The following CNTN5 variants were observed in gnomAD, a reference collection of about 807,000 sequenced individuals.
CNTN5 encodes contactin 5.
In CNTN5, 77 loss-of-function variants were observed where a neutral mutation model predicts 129.1. That is an observed-to-expected ratio of 0.60 (90% CI 0.50 to 0.72). The LOEUF is 0.72. Among genes scored for constraint, CNTN5 ranks in the 30% least tolerant of loss-of-function variants. The pLI, the probability that CNTN5 is intolerant of heterozygous loss-of-function variation, is 0.00. For missense variants in CNTN5, 1,478 were observed against 1,328.8 expected (o/e 1.11, Z -1.75); for synonymous variants, 509 against 465.6 (o/e 1.09, Z -1.20).
chr11:100,008,781 C>G (rs1402151039), intron 9 of CNTN5, among the ~76,000 whole-genome samples: 1 of 152,040 alleles, frequency 6.6e-6, no homozygotes, highest in African/African-American at 2.4e-5. Flanking sequence ...TTCTTTTGAA[C>G]TCTCTTTGGC....
At chr11:99,126,682 G>A (rs1373281298) in intron 1 of CNTN5, among the ~76,000 whole-genome samples, 1 of 152,180 alleles carries the variant, frequency 6.6e-6, no homozygotes, top group Non-Finnish European at 1.5e-5. Context: ...GGATGCATAA[G>A]CAATGAAAAC....
chr11:99,128,328 G>A (rs1249452894), intron 1 of CNTN5, among the ~76,000 whole-genome samples: 1 of 152,176 alleles, frequency 6.6e-6, no homozygotes, highest in African/African-American at 2.4e-5. Context: ...TGGGATGTTT[G>A]GACTGGGTGG....
intron 15 of CNTN5, among the ~76,000 whole-genome samples, chr11:100,201,913 C>T (rs911013735): frequency 6.6e-6 from 1 of 151,968 alleles, no homozygotes; most frequent in Non-Finnish European, 1.5e-5. Context: ...ATCTCATGCT[C>T]AATGCATAGA....
At chr11:99,690,080 T>G (rs1467494999) in intron 3 of CNTN5, among the ~76,000 whole-genome samples, 4 of 152,208 alleles carry the variant, frequency 2.6e-5, no homozygotes, top group Non-Finnish European at 5.9e-5. Flanking sequence ...TCTAAGTCTT[T>G]AATTCATCTT....
intron 2 of CNTN5, among the ~76,000 whole-genome samples, chr11:99,503,116 A>G (rs1946486870): frequency 6.6e-6 from 1 of 152,144 alleles, no homozygotes; most frequent in African/African-American, 2.4e-5. Flanking sequence ...AGTTTGACAA[A>G]TATGGTTCTT....
intron 1 of CNTN5, among the ~76,000 whole-genome samples, chr11:99,096,601 A>G (rs1866476748): frequency 6.6e-6 from 1 of 151,878 alleles, no homozygotes; most frequent in South Asian, 2.1e-4. Context: ...AAATATGTTA[A>G]TATTTTAATG....
At chr11:99,607,345 G>A (rs1312379016) in intron 3 of CNTN5, among the ~76,000 whole-genome samples, 10 of 144,682 alleles carry the variant, frequency 6.9e-5, no homozygotes, top group Non-Finnish European at 9.1e-5. Context: ...AACACATGAA[G>A]AAATGCTCAC....
chr11:99,826,468 G>A (rs1479038119), intron 4 of CNTN5, among the ~76,000 whole-genome samples: 2 of 152,130 alleles, frequency 1.3e-5, no homozygotes, highest in Admixed American at 6.6e-5. Flanking sequence ...CATCCAACCT[G>A]TTGTTATAGG....
intron 7 of CNTN5, among the ~76,000 whole-genome samples, chr11:99,943,847 T>C (rs1255721499): frequency 6.6e-6 from 1 of 152,114 alleles, no homozygotes; most frequent in Non-Finnish European, 1.5e-5. Context: ...TGGTTGTAGA[T>C]GTGTGGTGTT....
At chr11:99,356,880 TA>T (rs1275006186) in intron 2 of CNTN5, among the ~76,000 whole-genome samples, 2 of 152,326 alleles carry the variant, frequency 1.3e-5, no homozygotes, top group East Asian at 3.9e-4. Context: ...CTTCTATTTT[TA>T]AAGATTATCT....
chr11:99,640,456 A>T (rs899759155), intron 3 of CNTN5, among the ~76,000 whole-genome samples: 1 of 152,192 alleles, frequency 6.6e-6, no homozygotes, highest in Non-Finnish European at 1.5e-5. Flanking sequence ...CTTATTCACT[A>T]CCATGAGAAT....
intron 7 of CNTN5, among the ~76,000 whole-genome samples, chr11:99,944,430 G>A (rs564641718): frequency 3.9e-5 from 6 of 152,182 alleles, no homozygotes; most frequent in African/African-American, 1.4e-4. Context: ...AAAGCTGGAA[G>A]CATTCTCCTT....
At chr11:100,033,922 C>T (rs1453572) in intron 9 of CNTN5, among the ~76,000 whole-genome samples, 3,299 of 152,264 alleles carry the variant, frequency 0.022, 47 homozygotes, top group African/African-American at 0.04. Context: ...CTATAAACTT[C>T]CCACCCTCCA....
chr11:100,352,372 A>G (rs1201672928), intron 24 of CNTN5, among the ~76,000 whole-genome samples: 5 of 151,762 alleles, frequency 3.3e-5, no homozygotes, highest in Non-Finnish European at 7.4e-5. Flanking sequence ...TTAAAAAACT[A>G]TACTGTGGTT....
intron 2 of CNTN5, among the ~76,000 whole-genome samples, chr11:99,530,813 A>T (rs1164584791): frequency 6.6e-6 from 1 of 152,232 alleles, no homozygotes; most frequent in Non-Finnish European, 1.5e-5. Context: ...ACAGTGTAAG[A>T]AGTGCCTTTA....
chr11:100,070,329 T>C, intron 10 of CNTN5, 95 bp from the exon 11 acceptor site: 10 of 1,326,978 alleles, frequency 7.5e-6, no homozygotes, highest in Non-Finnish European at 9.3e-6. Flanking sequence ...GAATTGCTTT[T>C]AAAAAAATAC....
chr11:99,421,892 C>A (rs1057489076), intron 2 of CNTN5, among the ~76,000 whole-genome samples: 6 of 151,950 alleles, frequency 3.9e-5, no homozygotes, highest in Non-Finnish European at 7.4e-5. Flanking sequence ...GCAAATAAAT[C>A]AAAAACAACT....
intron 21 of CNTN5, among the ~76,000 whole-genome samples, chr11:100,335,378 T>C (rs79314159): frequency 2.0e-5 from 3 of 152,210 alleles, no homozygotes; most frequent in African/African-American, 7.2e-5. Flanking sequence ...ATGAATATCA[T>C]AGAATCGTCA....
chr11:99,376,532 G>T (rs1200898908), intron 2 of CNTN5, among the ~76,000 whole-genome samples: 1 of 152,116 alleles, frequency 6.6e-6, no homozygotes, highest in Non-Finnish European at 1.5e-5. Context: ...ACTTTTGAAA[G>T]CAAGTTATCT....
Sources: gnomAD v4.1 joint callset for allele counts (sites outside exome capture counted in the v4.1 genomes callset) on GRCh38, gnomAD v4.1.1 for gene constraint, MANE v1.5 for transcripts, NCBI Gene and HGNC (gene_info 2026-07-23, HGNC 2026-07-21) for gene names.